Variants in COX7B2 observed in about 807,000 individuals in gnomAD.
The protein encoded by COX7B2 is cytochrome c oxidase subunit 7B2.
For missense variants in COX7B2, 109 were observed against 95.9 expected (o/e 1.14, Z -0.57); for synonymous variants, 37 against 32.1 (o/e 1.15, Z -0.51).
At chr4:46,833,577 T>TATAGGAGTGTTTTAAGAGAGCAG (rs1715310889) in intron 2 of COX7B2, among the ~76,000 whole-genome samples, 1 of 152,102 alleles carries the variant, frequency 6.6e-6, no homozygotes, top group African/African-American at 2.4e-5. Flanking sequence ...ATGAAAAATC[T>TATAGGAGTGTTTTAAGAGAGCAG]ATAGGAGTGT....
intron 2 of COX7B2, among the ~76,000 whole-genome samples, chr4:46,815,115 G>T (rs1186433014): frequency 6.6e-6 from 1 of 151,874 alleles, no homozygotes; most frequent in Admixed American, 6.6e-5. Context: ...GAGCCCGGGA[G>T]GTGGAGGTTG....
intron 2 of COX7B2, among the ~76,000 whole-genome samples, chr4:46,809,701 C>G (rs1719189478): frequency 6.6e-6 from 1 of 151,750 alleles, no homozygotes; most frequent in Non-Finnish European, 1.5e-5. Context: ...TTCATGTATT[C>G]TGGAAAAAAT....
At chr4:46,857,675 G>A (rs1717080671) in intron 1 of COX7B2, among the ~76,000 whole-genome samples, 1 of 152,144 alleles carries the variant, frequency 6.6e-6, no homozygotes, top group Non-Finnish European at 1.5e-5. Context: ...TTATGTAACA[G>A]CCAAATTAAA....
chr4:46,777,843 A>T (rs1717243137), intron 2 of COX7B2, among the ~76,000 whole-genome samples: 1 of 152,158 alleles, frequency 6.6e-6, no homozygotes, highest in Non-Finnish European at 1.5e-5. Flanking sequence ...TCAAAAATAG[A>T]TGGAGATAAC....
chr4:46,882,737 A>AT (rs1003715441), intron 1 of COX7B2, among the ~76,000 whole-genome samples: 5 of 152,104 alleles, frequency 3.3e-5, no homozygotes, highest in Non-Finnish European at 7.4e-5. Flanking sequence ...GTTGACCCAA[A>AT]TTTTTTAACA....
chr4:46,902,378 A>C (rs960727964), intron 1 of COX7B2, among the ~76,000 whole-genome samples: 3 of 152,244 alleles, frequency 2.0e-5, no homozygotes, highest in Admixed American at 6.5e-5. Flanking sequence ...AAAAAGAAAG[A>C]AAGCATTCTA....
chr4:46,906,710 T>A (rs1455497568), intron 1 of COX7B2, among the ~76,000 whole-genome samples: 1 of 152,242 alleles, frequency 6.6e-6, no homozygotes, highest in African/African-American at 2.4e-5. Context: ...AATTCTGAAT[T>A]TACTAAAAGT....
At chr4:46,872,247 C>A (rs1718039598) in intron 1 of COX7B2, among the ~76,000 whole-genome samples, 1 of 152,076 alleles carries the variant, frequency 6.6e-6, no homozygotes, top group Non-Finnish European at 1.5e-5. Context: ...TACATGTTAT[C>A]ACTTATAAAC....
intron 2 of COX7B2, among the ~76,000 whole-genome samples, chr4:46,765,870 T>C (rs543931951): frequency 2.5e-4 from 38 of 152,198 alleles, no homozygotes; most frequent in African/African-American, 7.7e-4. Context: ...TCCAGGCCTA[T>C]CCCAGTTCCA....
intron 2 of COX7B2, among the ~76,000 whole-genome samples, chr4:46,810,282 A>G (rs1365123670): frequency 6.6e-6 from 1 of 152,022 alleles, no homozygotes; most frequent in Middle Eastern, 3.2e-3. Context: ...GTTGTTACTG[A>G]TACATAGGGA....
intron 2 of COX7B2, among the ~76,000 whole-genome samples, chr4:46,744,234 C>G (rs1036040628): frequency 1.1e-4 from 17 of 151,976 alleles, no homozygotes; most frequent in Non-Finnish European, 1.5e-4. Flanking sequence ...ATCAAAGTAC[C>G]AGATCCCCGC....
intron 1 of COX7B2, among the ~76,000 whole-genome samples, chr4:46,883,665 G>A (rs1217115744): frequency 2.0e-5 from 3 of 151,912 alleles, no homozygotes; most frequent in Non-Finnish European, 4.4e-5. Flanking sequence ...TTGAACCTGG[G>A]ATGTCAATGT....
intron 2 of COX7B2, among the ~76,000 whole-genome samples, chr4:46,804,406 A>C (rs1394041999): frequency 6.6e-6 from 1 of 152,094 alleles, no homozygotes; most frequent in Non-Finnish European, 1.5e-5. Context: ...TTTTACAAAG[A>C]GCCGATTGGT....
rs185717917 is a variant in COX7B2, at chr4:46,771,529, G to C, written c.-49-36288C>G. Among the ~76,000 whole-genome samples the C allele has an allele frequency of 2.2e-3, 336 of 152,166 alleles. 2 individuals are homozygous for C. The highest frequency in any genetic ancestry group is 3.6e-3 in the Non-Finnish European group (247 of 67,958). The stretch of plus-strand genomic sequence containing the variant: ...ATCAGATTTGAAATGCTTGGGACCA[G>C]AGGTGTTACAGATTTCAGATTTTTT... On this transcript the variant is annotated intron_variant, in intron 2 of 2. Coordinates refer to ENST00000355591, the MANE Select transcript of COX7B2 (RefSeq NM_130902.3).
At chr4:46,836,995 C>A (rs903644798) in intron 2 of COX7B2, among the ~76,000 whole-genome samples, 1 of 151,986 alleles carries the variant, frequency 6.6e-6, no homozygotes, top group Non-Finnish European at 1.5e-5. Flanking sequence ...AATATGTGTA[C>A]AGTTTTACAT....
intron 2 of COX7B2, among the ~76,000 whole-genome samples, chr4:46,819,753 T>C (rs1346950041): frequency 2.8e-4 from 42 of 152,190 alleles, no homozygotes. Context: ...CTGTTTTATA[T>C]ATTAGGGTGC....
intron 2 of COX7B2, among the ~76,000 whole-genome samples, chr4:46,806,203 G>C (rs1718986430): frequency 6.6e-6 from 1 of 151,862 alleles, no homozygotes; most frequent in Admixed American, 6.6e-5. Context: ...TTTTATTAAT[G>C]TTGATGGTAA....
chr4:46,869,699 C>A (rs1717871005), intron 1 of COX7B2, among the ~76,000 whole-genome samples: 2 of 151,924 alleles, frequency 1.3e-5, no homozygotes, highest in South Asian at 2.1e-4. Flanking sequence ...GAATATAGGC[C>A]CCCAAACTCT....
At chr4:46,870,708 A>G (rs756230606) in intron 1 of COX7B2, among the ~76,000 whole-genome samples, 1 of 152,094 alleles carries the variant, frequency 6.6e-6, no homozygotes, top group South Asian at 2.1e-4. Flanking sequence ...CCAAGCCAAC[A>G]ACCAAATAAG....
Sources: allele counts gnomAD v4.1 joint callset (sites outside exome capture counted in the v4.1 genomes callset), GRCh38; gene constraint gnomAD v4.1.1; transcripts MANE v1.5; gene names NCBI Gene and HGNC (gene_info 2026-07-23, HGNC 2026-07-21).